RAB27B: variants seen among roughly 807,000 people sequenced by gnomAD.
RAB27B encodes ras-related protein Rab-27B.
Under a neutral mutation model 24.6 loss-of-function variants are expected in RAB27B, and 15 were observed. The ratio of observed to expected loss-of-function variants is 0.61; its 90% CI spans 0.41 to 0.94. RAB27B has a LOEUF of 0.94. Ranked by LOEUF, RAB27B falls within the 40% of genes least tolerant of loss-of-function variation. The pLI is 0.00. For missense variants in RAB27B, 261 were observed against 266.8 expected (o/e 0.98, Z 0.15); for synonymous variants, 105 against 92.5 (o/e 1.14, Z -0.78).
At chr18:54,783,814 A>G (rs1421332578) in intron 2 of RAB27B, among the ~76,000 whole-genome samples, 1 of 152,144 alleles carries the variant, frequency 6.6e-6, no homozygotes, top group Non-Finnish European at 1.5e-5. Context: ...GTGGAAAATG[A>G]ATGCCAAACA....
intron 2 of RAB27B, among the ~76,000 whole-genome samples, chr18:54,817,726 TACACAGTCAGTGTAGTGAACCTAG>T (rs771593811): frequency 4.4e-4 from 67 of 152,092 alleles, no homozygotes; most frequent in Non-Finnish European, 8.1e-4. Flanking sequence ...ATCCACCTTC[TACACAGTCAGTGTAGTGAACCTAG>T]AGGAGATCTC....
chr18:54,886,626 G>A (rs1913148546), intron 4 of RAB27B, among the ~76,000 whole-genome samples: 1 of 151,654 alleles, frequency 6.6e-6, no homozygotes, highest in South Asian at 2.1e-4. Flanking sequence ...AAATTTTGGT[G>A]GTAGCTTTAG....
Position 54,884,234 on chromosome 18 carries a change from T to A in RAB27B, c.240-99T>A, listed in dbSNP as rs1053058799. The A allele has an allele frequency of 1.4e-5, 10 of 706,332 alleles. No homozygotes were observed. In the African/African-American group the frequency reaches 1.8e-4, roughly 12 times the overall value. The allele number at this position is 706,332 out of a possible 1,614,324, so 43.8% of individuals were successfully genotyped here. On this transcript the variant is annotated intron_variant, in intron 3 of 5. Coordinates refer to ENST00000262094, the MANE Select transcript of RAB27B (RefSeq NM_004163.4). ...CCCTAAGATATTCCATAAGGGCCAG[T>A]CACGGAGAATTCATACCTGAAAGGG...
At position 54,893,726 on chromosome 18, in the gene RAB27B, T is replaced by C. The variant is rs1342704380; in HGVS notation, c.*4313T>C. ...GGATATATAGAGAATTTTATAAATG[T>C]ATTGCCTTAGAATTTCTGGGTGGAG... is the stretch of plus-strand genomic sequence containing the variant. On this transcript the variant is annotated 3_prime_UTR_variant, in exon 6 of 6. Coordinates refer to ENST00000262094, the MANE Select transcript of RAB27B (RefSeq NM_004163.4). 1 of 151,996 alleles carries C rather than the reference T, an allele frequency of 6.6e-6. No individual in the cohort carries two copies. The highest frequency in any genetic ancestry group is 1.5e-5 in the Non-Finnish European group (1 of 67,930). 9.4% of individuals were successfully genotyped at this position (151,996 alleles called of 1,614,324 possible). A position where few individuals can be genotyped will look rare whatever the true frequency, so the allele number is the denominator to read the frequency against.
chr18:54,859,528 T>G (rs1437957489), intron 1 of RAB27B, among the ~76,000 whole-genome samples: 1 of 151,742 alleles, frequency 6.6e-6, no homozygotes, highest in Non-Finnish European at 1.5e-5. Flanking sequence ...TAAAGAATAT[T>G]GTAGAATTGG....
chr18:54,731,178 T>G (rs1909719383), intron 2 of RAB27B, among the ~76,000 whole-genome samples: 1 of 152,216 alleles, frequency 6.6e-6, no homozygotes, highest in Non-Finnish European at 1.5e-5. Context: ...ATTTAGGATT[T>G]CAAGGGACTG....
At chr18:54,736,023 A>G (rs1909881232) in intron 2 of RAB27B, among the ~76,000 whole-genome samples, 1 of 152,168 alleles carries the variant, frequency 6.6e-6, no homozygotes, top group South Asian at 2.1e-4. Flanking sequence ...AAAATGTATA[A>G]TATTACCAAA....
intron 2 of RAB27B, among the ~76,000 whole-genome samples, chr18:54,767,267 A>C (rs1401148694): frequency 1.3e-5 from 2 of 152,208 alleles, no homozygotes; most frequent in Non-Finnish European, 2.9e-5. Context: ...ATAACATGGA[A>C]AGGCAAATAA....
chr18:54,801,870 C>T (rs1308001132), intron 2 of RAB27B, among the ~76,000 whole-genome samples: 2 of 152,106 alleles, frequency 1.3e-5, no homozygotes, highest in African/African-American at 2.4e-5. Context: ...TTTTGCTATC[C>T]GCTATTAAAA....
chr18:54,827,357 A>T (rs936941785), upstream of RAB27B, among the ~76,000 whole-genome samples: 1 of 152,270 alleles, frequency 6.6e-6, no homozygotes, highest in Non-Finnish European at 1.5e-5. Flanking sequence ...CACTATGAAG[A>T]CATTATTATT....
At chr18:54,863,993 T>G (rs1446282748) in intron 1 of RAB27B, among the ~76,000 whole-genome samples, 1 of 152,198 alleles carries the variant, frequency 6.6e-6, no homozygotes, top group African/African-American at 2.4e-5. Flanking sequence ...AATCTTTGAG[T>G]GAATATATGT....
intron 2 of RAB27B, among the ~76,000 whole-genome samples, chr18:54,796,242 G>A (rs1909414139): frequency 6.6e-6 from 1 of 152,156 alleles, no homozygotes; most frequent in African/African-American, 2.4e-5. Flanking sequence ...TGCATCTAGG[G>A]GTGGGTGTCT....
chr18:54,829,013 C>T (rs1331594265), intron 1 of RAB27B, among the ~76,000 whole-genome samples: 1 of 152,164 alleles, frequency 6.6e-6, no homozygotes, highest in Non-Finnish European at 1.5e-5. Flanking sequence ...AATTTCCTTT[C>T]ATTTGCATCT....
At chr18:54,783,481 T>TGTGTGTGTGTGTGTGTG (rs1908980504) in intron 2 of RAB27B, among the ~76,000 whole-genome samples, 143 of 149,786 alleles carry the variant, frequency 9.5e-4, no homozygotes, top group African/African-American at 3.3e-3. Context: ...GCCTATGGCT[T>TGTGTGTGTGTGTGTGTG]TGTGTGTGTG....
At chr18:54,810,350 C>A (rs1909922846) in intron 2 of RAB27B, among the ~76,000 whole-genome samples, 1 of 151,944 alleles carries the variant, frequency 6.6e-6, no homozygotes, top group Admixed American at 6.6e-5. Flanking sequence ...AAATTTCTAC[C>A]AAAGTATGTG....
chr18:54,881,280 CT>C (rs1912913387), intron 3 of RAB27B, among the ~76,000 whole-genome samples: 1 of 151,872 alleles, frequency 6.6e-6, no homozygotes, highest in Non-Finnish European at 1.5e-5. Context: ...TTTGTTCTGG[CT>C]TTTTGAAGTA....
intron 2 of RAB27B, among the ~76,000 whole-genome samples, chr18:54,788,210 C>T (rs566609353): frequency 2.0e-4 from 30 of 152,276 alleles, no homozygotes; most frequent in Non-Finnish European, 3.5e-4. Flanking sequence ...CTTCTAAACT[C>T]TCCAAGCATT....
chr18:54,829,761 T>C (rs1910604308), intron 1 of RAB27B, among the ~76,000 whole-genome samples: 2 of 152,332 alleles, frequency 1.3e-5, no homozygotes, highest in South Asian at 4.1e-4. Flanking sequence ...ATTTTCAAGC[T>C]GCTGTAAAGT....
At chr18:54,781,708 C>A (rs1187034330) in intron 2 of RAB27B, among the ~76,000 whole-genome samples, 2 of 152,176 alleles carry the variant, frequency 1.3e-5, no homozygotes, top group Non-Finnish European at 2.9e-5. Context: ...ACATTTATAG[C>A]ATTGCATATA....
Sources: allele counts gnomAD v4.1 joint callset (sites outside exome capture counted in the v4.1 genomes callset), GRCh38; gene constraint gnomAD v4.1.1; transcripts MANE v1.5; gene names NCBI Gene and HGNC (gene_info 2026-07-23, HGNC 2026-07-21).